The following HOMER1 variants were observed in gnomAD, a reference collection of about 807,000 sequenced individuals.
The protein encoded by HOMER1 is homer protein homolog 1.
HOMER1 carries 3 observed loss-of-function variants against 48.9 expected under a neutral mutation model. The observed-to-expected ratio is 0.06, with a 90% CI of 0.03 to 0.16. The LOEUF is 0.16. Among genes scored for constraint, HOMER1 ranks in the 10% least tolerant of loss-of-function variants. The probability of loss-of-function intolerance (pLI) is 1.00; values close to 1 mark genes in which losing one functional copy is unlikely to be tolerated. For missense variants in HOMER1, 247 were observed against 411.4 expected, an observed-to-expected ratio of 0.60 and a Z score of 3.46; for synonymous variants, 134 against 146.4, an observed-to-expected ratio of 0.92 and a Z score of 0.61.
At chr5:79,422,210 G>A (rs1750121012) in intron 5 of HOMER1, among the ~76,000 whole-genome samples, 1 of 151,166 alleles carries the variant, frequency 6.6e-6, no homozygotes, top group Admixed American at 6.6e-5. Context: ...CTGGGTGACA[G>A]AGGGAGGCTC....
intron 8 of HOMER1, among the ~76,000 whole-genome samples, chr5:79,387,558 AG>A (rs1463774951): frequency 3.9e-5 from 6 of 152,354 alleles, no homozygotes; most frequent in African/African-American, 1.4e-4. Context: ...TCTATATAAT[AG>A]GAACTATAAA....
At position 79,455,334 on chromosome 5, in the gene HOMER1, G is replaced by A. The variant is rs116163725; in HGVS notation, c.162+1528C>T. ...TCTCACCTTGAATTGTAATCCCCAT[G>A]TGTCAAGGGTGGAACCCGGTGGAGG... On this transcript the variant is annotated intron_variant, in intron 2 of 8. Transcript: ENST00000334082. 5.0e-3 allele frequency among the ~76,000 whole-genome samples: 764 copies of A among 152,174 alleles called. 3 individuals are homozygous for A. Among genetic ancestry groups the A allele is most frequent in the African/African-American group, 0.018 (728 of 41,510 alleles).
intron 5 of HOMER1, among the ~76,000 whole-genome samples, chr5:79,430,749 C>G (rs1750399226): frequency 6.6e-6 from 1 of 151,598 alleles, no homozygotes; most frequent in Non-Finnish European, 1.5e-5. Flanking sequence ...CCATCCTGGC[C>G]AACATGGTGA....
At chr5:79,467,263 G>T (rs931646376) in intron 1 of HOMER1, among the ~76,000 whole-genome samples, 1 of 151,478 alleles carries the variant, frequency 6.6e-6, no homozygotes, top group Admixed American at 6.6e-5. Context: ...TGCTGGCAGG[G>T]GCCTGTAATC....
chr5:79,506,490 C>G (rs907050498), intron 1 of HOMER1, among the ~76,000 whole-genome samples: 1 of 152,102 alleles, frequency 6.6e-6, no homozygotes, highest in African/African-American at 2.4e-5. Flanking sequence ...ATAAAGTTGA[C>G]TCTTTTAACA....
At chr5:79,395,879 T>A (rs528349950) in intron 8 of HOMER1, among the ~76,000 whole-genome samples, 1 of 152,232 alleles carries the variant, frequency 6.6e-6, no homozygotes, top group Non-Finnish European at 1.5e-5. Flanking sequence ...GTGTCCGATA[T>A]GTTGCAAGCA....
chr5:79,454,948 C>T (rs1751128666), intron 2 of HOMER1, among the ~76,000 whole-genome samples: 2 of 152,066 alleles, frequency 1.3e-5, no homozygotes, highest in Non-Finnish European at 2.9e-5. Flanking sequence ...TTCCTTTTTA[C>T]AGATGAGAAA....
chr5:79,462,892 A>G (rs1405667489), intron 1 of HOMER1, among the ~76,000 whole-genome samples: 1 of 152,228 alleles, frequency 6.6e-6, no homozygotes, highest in African/African-American at 2.4e-5. Context: ...GAGAAATTGT[A>G]CATTTCCTGG....
At chr5:79,469,153 T>G (rs1414415860) in intron 1 of HOMER1, among the ~76,000 whole-genome samples, 1 of 152,156 alleles carries the variant, frequency 6.6e-6, no homozygotes, top group Non-Finnish European at 1.5e-5. Flanking sequence ...CTCCTCTAAA[T>G]TACTCCATTG....
intron 5 of HOMER1, among the ~76,000 whole-genome samples, chr5:79,420,853 C>G (rs906556244): frequency 6.6e-6 from 1 of 152,176 alleles, no homozygotes; most frequent in Non-Finnish European, 1.5e-5. Flanking sequence ...ATGCTCCATA[C>G]ATGATTTTGA....
At chr5:79,391,907 T>C (rs1343335392) in intron 8 of HOMER1, among the ~76,000 whole-genome samples, 2 of 152,160 alleles carry the variant, frequency 1.3e-5, no homozygotes, top group African/African-American at 4.8e-5. Flanking sequence ...TGACAATGTT[T>C]TGATCAACCA....
In HOMER1 at chr5:79,447,163, A is replaced by G. The variant is rs1355571775; in HGVS notation, c.295-18T>C. 2.1e-6 allele frequency: 3 copies of G among 1,456,842 alleles called. No individual in the cohort carries two copies. Among genetic ancestry groups the G allele is most frequent in the Non-Finnish European group, 2.9e-6 (3 of 1,038,484 alleles). 90.2% of individuals were successfully genotyped at this position (1,456,842 alleles called of 1,614,324 possible). A position where few individuals can be genotyped will look rare whatever the true frequency, so the allele number is the denominator to read the frequency against. The stretch of plus-strand genomic sequence containing the variant: ...TCTGCAAACTGAATGTATAGAGACT[A>G]CATACATTAACCAAATAAAAATAGG... On this transcript the variant is annotated intron_variant, in intron 3 of 8. Transcript: ENST00000334082.
chr5:79,425,747 A>C (rs1482411735), intron 5 of HOMER1, among the ~76,000 whole-genome samples: 1 of 151,988 alleles, frequency 6.6e-6, no homozygotes, highest in Non-Finnish European at 1.5e-5. Context: ...TTAACAAATT[A>C]CTAGTATCCA....
At position 79,496,512 on chromosome 5, in the gene HOMER1, A is replaced by G. The variant is rs112121294; in HGVS notation, c.5+16258T>C. The stretch of plus-strand genomic sequence containing the variant: ...TCTCCTCTAAAGAAAATGAAGTGTC[A>G]TAGAAAAACTTACCATCTTAGACAA... On this transcript the variant is annotated intron_variant, in intron 1 of 8. Coordinates refer to ENST00000334082, the MANE Select transcript of HOMER1 (RefSeq NM_004272.5). 1.8e-3 allele frequency among the ~76,000 whole-genome samples: 267 copies of G among 152,322 alleles called. 2 individuals are homozygous for G. Among genetic ancestry groups the G allele is most frequent in the African/African-American group, 6.1e-3 (253 of 41,568 alleles).
chr5:79,449,097 C>T lies in HOMER1; in HGVS notation c.294+1893G>A, dbSNP rs146502032. Among the ~76,000 whole-genome samples, 4 of 152,124 alleles carry T rather than the reference C, an allele frequency of 2.6e-5. No individual in the cohort carries two copies. In the East Asian group the frequency reaches 7.7e-4, roughly 29 times the overall value. ...CTGCTCAGTAACTTGAAAGATGTAA[C>T]GAAGAACTTAATTTACAGACAAAAT... On this transcript the variant is annotated intron_variant, in intron 3 of 8. Transcript: ENST00000334082.
At chr5:79,382,159 C>T (rs1451531025) in intron 8 of HOMER1, among the ~76,000 whole-genome samples, 3 of 152,008 alleles carry the variant, frequency 2.0e-5, no homozygotes, top group East Asian at 1.9e-4. Context: ...CTGTGACATA[C>T]GGGACACCAT....
chr5:79,506,932 G>T (rs958293051), intron 1 of HOMER1, among the ~76,000 whole-genome samples: 3 of 151,914 alleles, frequency 2.0e-5, no homozygotes, highest in African/African-American at 4.8e-5. Flanking sequence ...ACCTACTCTT[G>T]GCAGGGCGCG....
chr5:79,403,429 CCT>C (rs1474702002), intron 5 of HOMER1, among the ~76,000 whole-genome samples: 3 of 152,204 alleles, frequency 2.0e-5, no homozygotes, highest in Non-Finnish European at 2.9e-5. Flanking sequence ...TCACGAACCC[CCT>C]GATATGATGT....
At chr5:79,449,495 CAG>C (rs1322209520) in intron 3 of HOMER1, among the ~76,000 whole-genome samples, 2 of 152,052 alleles carry the variant, frequency 1.3e-5, no homozygotes, top group Non-Finnish European at 2.9e-5. Context: ...TTTTTTGAGA[CAG>C]AGTCTTGCTC....
Sources: gnomAD v4.1 joint callset for allele counts (sites outside exome capture counted in the v4.1 genomes callset) on GRCh38, gnomAD v4.1.1 for gene constraint, MANE v1.5 for transcripts, NCBI Gene and HGNC (gene_info 2026-07-23, HGNC 2026-07-21) for gene names.